TCF7L1: variants seen among roughly 807,000 people sequenced by gnomAD.
TCF7L1 encodes transcription factor 7 like 1, also known as transcription factor 7-like 1.
Under a neutral mutation model 63.7 loss-of-function variants are expected in TCF7L1, and 18 were observed. The ratio of observed to expected loss-of-function variants is 0.28; its 90% CI spans 0.20 to 0.42. The LOEUF (loss-of-function observed/expected upper bound fraction) is 0.42, where lower values mean the gene tolerates loss of function less well. TCF7L1 is among the 10% of genes least tolerant of loss of function. The probability of loss-of-function intolerance (pLI) is 1.00; values close to 1 mark genes in which losing one functional copy is unlikely to be tolerated. For synonymous variants in TCF7L1, 355 were observed against 340.9 expected (o/e 1.04, Z -0.46); for missense variants, 654 against 779.3 (o/e 0.84, Z 1.91).
intron 3 of TCF7L1, among the ~76,000 whole-genome samples, chr2:85,146,875 C>G (rs1445402464): frequency 2.6e-5 from 4 of 152,268 alleles, no homozygotes; most frequent in African/African-American, 9.6e-5. Flanking sequence ...GCCTTAATAG[C>G]TGGTTGATTT....
At chr2:85,308,062 C>T (rs1480479440) in intron 11 of TCF7L1, among the ~76,000 whole-genome samples, 1 of 152,100 alleles carries the variant, frequency 6.6e-6, no homozygotes, top group Non-Finnish European at 1.5e-5. Flanking sequence ...GCACATGAGC[C>T]CCTGACATCC....
intron 4 of TCF7L1, among the ~76,000 whole-genome samples, chr2:85,299,860 AACACACACACACACACACACAC>A (rs61569778): frequency 2.3e-3 from 210 of 92,766 alleles, no homozygotes; most frequent in Non-Finnish European, 3.1e-3. Context: ...CCTTGTCTCA[AACACACACACACACACACACAC>A]ACACACACAC....
At chr2:85,200,355 AC>A (rs1452006016) in intron 3 of TCF7L1, among the ~76,000 whole-genome samples, 1 of 152,214 alleles carries the variant, frequency 6.6e-6, no homozygotes, top group Non-Finnish European at 1.5e-5. Flanking sequence ...AAACTTAACT[AC>A]TAATAGCCTA....
chr2:85,243,904 C>T (rs918280503), intron 3 of TCF7L1, among the ~76,000 whole-genome samples: 4 of 152,232 alleles, frequency 2.6e-5, no homozygotes, highest in East Asian at 1.9e-4. Context: ...ATGTGGTGGG[C>T]GGAGTTCAGG....
intron 4 of TCF7L1, among the ~76,000 whole-genome samples, chr2:85,284,362 G>A (rs1681493146): frequency 6.6e-6 from 1 of 152,154 alleles, no homozygotes; most frequent in African/African-American, 2.4e-5. Context: ...TAGGACGTAT[G>A]CAAACAAATG....
intron 3 of TCF7L1, among the ~76,000 whole-genome samples, chr2:85,228,205 A>C (rs1240302020): frequency 6.6e-6 from 1 of 152,016 alleles, no homozygotes; most frequent in East Asian, 1.9e-4. Flanking sequence ...GGATCACTTG[A>C]GCCCACGGGT....
At chr2:85,256,098 G>A (rs1680710413) in intron 3 of TCF7L1, among the ~76,000 whole-genome samples, 1 of 152,250 alleles carries the variant, frequency 6.6e-6, no homozygotes, top group African/African-American at 2.4e-5. Flanking sequence ...TGGCTCAGGA[G>A]GGGAGGAGGG....
chr2:85,174,613 T>C (rs1678633479), intron 3 of TCF7L1, among the ~76,000 whole-genome samples: 1 of 152,190 alleles, frequency 6.6e-6, no homozygotes, highest in African/African-American at 2.4e-5. Context: ...GTGCAGTGTG[T>C]AAGATGGTCA....
At chr2:85,227,119 G>C (rs950923370) in intron 3 of TCF7L1, among the ~76,000 whole-genome samples, 3 of 152,208 alleles carry the variant, frequency 2.0e-5, no homozygotes, top group Admixed American at 2.0e-4. Flanking sequence ...CTTAACAAAT[G>C]TTCACTCCTA....
intron 3 of TCF7L1, among the ~76,000 whole-genome samples, chr2:85,246,013 C>G (rs1375722863): frequency 6.6e-6 from 1 of 152,076 alleles, no homozygotes; most frequent in Non-Finnish European, 1.5e-5. Context: ...TCAGGTGTCC[C>G]CCATGAATGT....
intron 3 of TCF7L1, among the ~76,000 whole-genome samples, chr2:85,176,298 G>A (rs1678676207): frequency 1.3e-5 from 2 of 152,218 alleles, no homozygotes; most frequent in African/African-American, 4.8e-5. Context: ...GCAGCCTGTT[G>A]TGGTATGAAA....
intron 4 of TCF7L1, among the ~76,000 whole-genome samples, chr2:85,290,509 A>G (rs980550236): frequency 2.0e-5 from 3 of 152,238 alleles, no homozygotes; most frequent in Non-Finnish European, 4.4e-5. Context: ...ACATATAGTG[A>G]AATTCACATG....
intron 3 of TCF7L1, among the ~76,000 whole-genome samples, chr2:85,182,739 G>A (rs543687700): frequency 3.9e-5 from 6 of 152,244 alleles, no homozygotes; most frequent in African/African-American, 1.4e-4. Context: ...TCCCCATCAC[G>A]GTCCAATGCA....
intron 3 of TCF7L1, among the ~76,000 whole-genome samples, chr2:85,279,641 A>G (rs1308083556): frequency 3.3e-5 from 5 of 152,030 alleles, no homozygotes; most frequent in African/African-American, 4.8e-5. Flanking sequence ...AGGGGCTCCA[A>G]AGTCTTAGAG....
At chr2:85,173,401 C>T (rs769209974) in intron 3 of TCF7L1, among the ~76,000 whole-genome samples, 1 of 151,760 alleles carries the variant, frequency 6.6e-6, no homozygotes, top group Non-Finnish European at 1.5e-5. Flanking sequence ...AGGCAGGAGG[C>T]AGAAAAACAG....
intron 4 of TCF7L1, among the ~76,000 whole-genome samples, chr2:85,301,225 A>G (rs1681964836): frequency 6.6e-6 from 1 of 152,210 alleles, no homozygotes; most frequent in South Asian, 2.1e-4. Flanking sequence ...ACAAGAGAAA[A>G]CATTCTTGTT....
At chr2:85,273,962 C>T (rs1681213589) in intron 3 of TCF7L1, among the ~76,000 whole-genome samples, 1 of 152,158 alleles carries the variant, frequency 6.6e-6, no homozygotes, top group African/African-American at 2.4e-5. Context: ...CAGAGGCCAG[C>T]AGGTGGACTC....
At chr2:85,164,970 A>T (rs1560587) in intron 3 of TCF7L1, among the ~76,000 whole-genome samples, 93,090 of 152,066 alleles carry the variant, frequency 0.61, 28,906 homozygotes, top group Middle Eastern at 0.67. Context: ...GGTGGAAAAT[A>T]TAAAATATTT....
intron 3 of TCF7L1, among the ~76,000 whole-genome samples, chr2:85,215,066 CAG>C (rs1679664508): frequency 6.6e-6 from 1 of 152,160 alleles, no homozygotes; most frequent in Admixed American, 6.5e-5. Context: ...GCCCTGAAAC[CAG>C]AGTCTGTCCA....
Sources: gnomAD v4.1 joint callset for allele counts (sites outside exome capture counted in the v4.1 genomes callset) on GRCh38, gnomAD v4.1.1 for gene constraint, MANE v1.5 for transcripts, NCBI Gene and HGNC (gene_info 2026-07-23, HGNC 2026-07-21) for gene names.